The following SAMD5 variants were observed in gnomAD, a reference collection of about 807,000 sequenced individuals.
SAMD5 encodes the protein sterile alpha motif domain-containing protein 5.
A neutral mutation model predicts 11.3 loss-of-function variants in SAMD5; 13 were observed. That is an observed-to-expected ratio of 1.15 (90% CI 0.75 to 1.83). The LOEUF (loss-of-function observed/expected upper bound fraction) is 1.83, where lower values mean the gene tolerates loss of function less well. Among genes scored for constraint, SAMD5 ranks in the 40% most tolerant of loss-of-function variants. SAMD5 has a pLI of 0.00. For synonymous variants in SAMD5, 129 were observed against 111.3 expected, an observed-to-expected ratio of 1.16 and a Z score of -1.00; for missense variants, 255 against 239.1, an observed-to-expected ratio of 1.07 and a Z score of -0.44.
intron 1 of SAMD5, among the ~76,000 whole-genome samples, chr6:147,665,349 G>T (rs1425304864): frequency 6.6e-6 from 1 of 152,186 alleles, no homozygotes; most frequent in African/African-American, 2.4e-5. Flanking sequence ...AGTATCTAAT[G>T]AAAACTTGTT....
chr6:147,580,705 A>C (rs1789285173), intron 1 of SAMD5, among the ~76,000 whole-genome samples: 1 of 152,228 alleles, frequency 6.6e-6, no homozygotes. Context: ...ATGTTCATGA[A>C]AATGTCCAAT....
the SAMD5 span, among the ~76,000 whole-genome samples, chr6:147,899,289 T>C: frequency 0.048 from 7,213 of 150,922 alleles, 218 homozygotes; most frequent in Middle Eastern, 0.055. Context: ...TTTGGCACTA[T>C]CACTACACCT....
intron 1 of SAMD5, among the ~76,000 whole-genome samples, chr6:147,586,115 G>A (rs1789370136): frequency 6.6e-6 from 1 of 152,056 alleles, no homozygotes; most frequent in South Asian, 2.1e-4. Context: ...CAGTCATCTG[G>A]GCTTCAATCA....
At chr6:147,645,525 C>G (rs1790384476) in intron 1 of SAMD5, among the ~76,000 whole-genome samples, 1 of 152,114 alleles carries the variant, frequency 6.6e-6, no homozygotes, top group Non-Finnish European at 1.5e-5. Flanking sequence ...GCAGATTCAG[C>G]ACAGAGGCCA....
chr6:147,856,827 G>T, the SAMD5 span, among the ~76,000 whole-genome samples: 7,270 of 147,334 alleles, frequency 0.049, 801 homozygotes, highest in African/African-American at 0.17. Context: ...GGCGCGGGGG[G>T]GGGGGGAAGC....
rs1354221362 is a variant in SAMD5, at chr6:147,711,577, T to C, written c.163-25740T>C. Among the ~76,000 whole-genome samples the C allele has an allele frequency of 6.6e-6, 1 of 152,190 alleles. No individual in the cohort carries two copies. The highest frequency in any genetic ancestry group is 2.4e-5 in the African/African-American group (1 of 41,442). ...GCTGTAGCAGAGCTGATTCATTTAA[T>C]TGAGGATGTAGAAAATATTGCAGAG... On this transcript the variant is annotated intron_variant, in intron 1 of 1. Transcript: ENST00000566741. The surrounding 1 kb of genome is among the most constrained non-coding windows in gnomAD (Gnocchi z 4.1).
intron 1 of SAMD5, among the ~76,000 whole-genome samples, chr6:147,561,794 C>A (rs1048417039): frequency 3.9e-5 from 6 of 152,130 alleles, no homozygotes; most frequent in Non-Finnish European, 8.8e-5. Context: ...TGAGATCTAT[C>A]AAGACCAGCC....
chr6:147,850,520 A>C, the SAMD5 span, among the ~76,000 whole-genome samples: 1 of 152,302 alleles, frequency 6.6e-6, no homozygotes, highest in South Asian at 2.1e-4. Context: ...GCAAGTAGGC[A>C]CTTTTCGCCT....
the SAMD5 span, among the ~76,000 whole-genome samples, chr6:147,856,261 T>A: frequency 5.3e-5 from 8 of 152,168 alleles, no homozygotes; most frequent in East Asian, 1.3e-3. Context: ...TCAATAGTTG[T>A]CAACGGGTGG....
the SAMD5 span, among the ~76,000 whole-genome samples, chr6:147,748,449 T>G: frequency 1.3e-5 from 2 of 152,372 alleles, no homozygotes; most frequent in South Asian, 4.1e-4. Flanking sequence ...TTTGAATGAC[T>G]TCTTGTATAT....
At chr6:147,707,415 G>A (rs537778212) in intron 1 of SAMD5, among the ~76,000 whole-genome samples, 1 of 152,282 alleles carries the variant, frequency 6.6e-6, no homozygotes, top group Non-Finnish European at 1.5e-5. Flanking sequence ...TTGAAAGGCT[G>A]CAATGGTGTT....
chr6:147,902,746 G>T, the SAMD5 span, among the ~76,000 whole-genome samples: 1 of 152,268 alleles, frequency 6.6e-6, no homozygotes, highest in East Asian at 1.9e-4. Flanking sequence ...TCTTCAAAGA[G>T]TGGCTTAAAT....
chr6:147,653,534 C>T (rs1057341297), intron 1 of SAMD5, among the ~76,000 whole-genome samples: 16 of 152,116 alleles, frequency 1.1e-4, no homozygotes, highest in Non-Finnish European at 1.3e-4. Context: ...TTTCAAGTAC[C>T]GGTGTCTGGT....
At chr6:147,727,131 T>A (rs1322035335) in intron 1 of SAMD5, among the ~76,000 whole-genome samples, 1 of 152,144 alleles carries the variant, frequency 6.6e-6, no homozygotes, top group Non-Finnish European at 1.5e-5. Context: ...GCCTACCAAT[T>A]AAGTTTTATT....
intron 1 of SAMD5, among the ~76,000 whole-genome samples, chr6:147,609,983 T>C (rs1378429038): frequency 6.6e-6 from 1 of 152,244 alleles, no homozygotes; most frequent in East Asian, 1.9e-4. Flanking sequence ...ACACAACTTG[T>C]TGTCTCTTTT....
rs1050486831 is a variant in SAMD5, at chr6:147,565,523, A to G, written c.*1067A>G. ...ACCCAGGCTGGAGTGTAGTGGCACA[A>G]TCTTGGCTCACAGTGACTTTCGCCT... On this transcript the variant is annotated 3_prime_UTR_variant, in exon 2 of 2. Coordinates refer to ENST00000367474, the MANE Select transcript of SAMD5 (RefSeq NM_001030060.3). 7.6e-6 allele frequency: 6 copies of G among 793,092 alleles called. No homozygotes were observed. Among genetic ancestry groups the G allele is most frequent in the African/African-American group, 1.9e-5 (1 of 53,186 alleles). 49.1% of individuals were successfully genotyped at this position (793,092 alleles called of 1,614,324 possible).
chr6:147,602,607 G>A (rs1426244980), intron 1 of SAMD5, among the ~76,000 whole-genome samples: 2 of 152,146 alleles, frequency 1.3e-5, no homozygotes, highest in African/African-American at 4.8e-5. Flanking sequence ...AGCCAGACAT[G>A]GTGGCGGTTG....
At chr6:147,633,087 G>A (rs1185462126) in intron 1 of SAMD5, among the ~76,000 whole-genome samples, 1 of 152,258 alleles carries the variant, frequency 6.6e-6, no homozygotes, top group East Asian at 1.9e-4. Context: ...CAGAAATACA[G>A]GCACTTTCAG....
chr6:147,651,511 G>A (rs184865227), intron 1 of SAMD5, among the ~76,000 whole-genome samples: 52 of 152,254 alleles, frequency 3.4e-4, no homozygotes, highest in African/African-American at 1.2e-3. Context: ...TGAGGGAAGT[G>A]CTCTTATGAA....
Sources: allele counts gnomAD v4.1 joint callset (sites outside exome capture counted in the v4.1 genomes callset), GRCh38; gene constraint gnomAD v4.1.1; non-coding constraint Gnocchi (gnomAD v3.1); transcripts MANE v1.5; gene names NCBI Gene and HGNC (gene_info 2026-07-23, HGNC 2026-07-21).